GNPNAT1: variants seen among roughly 807,000 people sequenced by gnomAD.
The protein encoded by GNPNAT1 is glucosamine 6-phosphate N-acetyltransferase.
A neutral mutation model predicts 19.8 loss-of-function variants in GNPNAT1; 11 were observed. The ratio of observed to expected loss-of-function variants is 0.56; its 90% CI spans 0.35 to 0.92. The LOEUF (loss-of-function observed/expected upper bound fraction) is 0.92, where lower values mean the gene tolerates loss of function less well. Among genes scored for constraint, GNPNAT1 ranks in the 40% least tolerant of loss-of-function variants. The pLI is 0.01. For missense variants in GNPNAT1, 157 were observed against 211.0 expected, an observed-to-expected ratio of 0.74 and a Z score of 1.59; for synonymous variants, 71 against 72.3, an observed-to-expected ratio of 0.98 and a Z score of 0.09.
intron 1 of GNPNAT1, among the ~76,000 whole-genome samples, chr14:52,789,081 T>TA (rs1883090046): frequency 1.3e-5 from 2 of 152,166 alleles, no homozygotes; most frequent in African/African-American, 4.8e-5. Context: ...TGCTCAAGGT[T>TA]AGAGTGCCAA....
At chr14:52,786,200 A>C (rs1229811591) in intron 1 of GNPNAT1, among the ~76,000 whole-genome samples, 3 of 151,180 alleles carry the variant, frequency 2.0e-5, no homozygotes, top group African/African-American at 7.3e-5. Flanking sequence ...TTCACAGCAG[A>C]TTTTCTAAAA....
chr14:52,778,221 G>T lies in GNPNAT1; in HGVS notation c.*90C>A, dbSNP rs1882785276. The T allele has an allele frequency of 3.2e-6, 3 of 945,138 alleles. No individual in the cohort carries two copies. Among genetic ancestry groups the T allele is most frequent in the Non-Finnish European group, 4.7e-6 (3 of 639,398 alleles). 58.5% of individuals were successfully genotyped at this position (945,138 alleles called of 1,614,324 possible). On this transcript the variant is annotated 3_prime_UTR_variant, in exon 6 of 6. Transcript: ENST00000216410. ...TTTTTTCAGTCCAGTATTTATGGAG[G>T]TCACTCGGCTGCAGCAACAAAATAT... is the stretch of plus-strand genomic sequence containing the variant.
chr14:52,779,196 A>G (rs1338480539), intron 5 of GNPNAT1, among the ~76,000 whole-genome samples: 1 of 152,226 alleles, frequency 6.6e-6, no homozygotes. Context: ...TCATTTTTAA[A>G]GCTACTTTAA....
rs1021999543 is a variant in GNPNAT1, at chr14:52,791,474, C to CT, written c.-62dup. ...CGCTCCTAGCCAGGCGCGTCGGACT[C>CT]TCCCCCACCAGTGTGCACAGCACCG... On this transcript the variant is annotated 5_prime_UTR_variant, in exon 1 of 6. Coordinates refer to ENST00000216410, the MANE Select transcript of GNPNAT1 (RefSeq NM_198066.4). The surrounding 1 kb of genome is among the most constrained non-coding windows in gnomAD (Gnocchi z 4.1). The CT allele has an allele frequency of 2.0e-5, 3 of 152,564 alleles. No individual in the cohort carries two copies. The highest frequency in any genetic ancestry group is 4.4e-5 in the Non-Finnish European group (3 of 68,348). The allele number at this position is 152,564 out of a possible 1,614,324, so 9.5% of individuals were successfully genotyped here. A position where few individuals can be genotyped will look rare whatever the true frequency, so the allele number is the denominator to read the frequency against.
chr14:52,784,185 C>A (rs1208057325), intron 2 of GNPNAT1, among the ~76,000 whole-genome samples: 9 of 152,136 alleles, frequency 5.9e-5, no homozygotes, highest in Non-Finnish European at 1.2e-4. Context: ...ACCTTCATTC[C>A]CCAACCAGCT....
chr14:52,789,745 G>A (rs1410194572), intron 1 of GNPNAT1, among the ~76,000 whole-genome samples: 1 of 152,118 alleles, frequency 6.6e-6, no homozygotes, highest in African/African-American at 2.4e-5. Flanking sequence ...AAATTTCTGC[G>A]AATAAAATTG....
chr14:52,787,756 A>G (rs901355412), intron 1 of GNPNAT1: 2 of 152,154 alleles, frequency 1.3e-5, no homozygotes, highest in African/African-American at 4.8e-5. Flanking sequence ...GAATACTGCA[A>G]GTACTTAATA....
chr14:52,784,149 C>T (rs1426122069), intron 2 of GNPNAT1, among the ~76,000 whole-genome samples: 1 of 152,198 alleles, frequency 6.6e-6, no homozygotes, highest in Non-Finnish European at 1.5e-5. Flanking sequence ...AAAACCCTTT[C>T]AATTTATCCA....
At chr14:52,782,468 T>C (rs1329829580) in intron 3 of GNPNAT1, among the ~76,000 whole-genome samples, 9 of 152,248 alleles carry the variant, frequency 5.9e-5, no homozygotes, top group Admixed American at 2.6e-4. Context: ...TAAAAACATA[T>C]CTGTTTCCAA....
chr14:52,784,066 T>G (rs188919116), intron 2 of GNPNAT1, among the ~76,000 whole-genome samples: 2 of 152,176 alleles, frequency 1.3e-5, no homozygotes, highest in Non-Finnish European at 2.9e-5. Context: ...AAGGACAAAG[T>G]TGACTTTTAA....
chr14:52,778,525 A>G, intron 5 of GNPNAT1, 67 bp from the exon 6 acceptor site: 1 of 1,325,274 alleles, frequency 7.5e-7, no homozygotes, highest in Non-Finnish European at 1.0e-6. Context: ...TCTAGTAACA[A>G]TATGAATTAA....
At chr14:52,780,764 A>G (rs1566687842) in intron 4 of GNPNAT1, 24 bp from the exon 5 acceptor site, 3 of 1,410,934 alleles carry the variant, frequency 2.1e-6, no homozygotes, top group Non-Finnish European at 2.0e-6. Flanking sequence ...CAATGTTTAA[A>G]GGAGTAAGCA....
chr14:52,781,491 G>A (rs138679517), intron 4 of GNPNAT1, among the ~76,000 whole-genome samples: 16 of 152,216 alleles, frequency 1.1e-4, no homozygotes, highest in African/African-American at 3.4e-4. Flanking sequence ...TTATGCTAAC[G>A]TGGTATATTC....
At chr14:52,786,745 G>C (rs1319795875) in intron 1 of GNPNAT1, among the ~76,000 whole-genome samples, 3 of 151,874 alleles carry the variant, frequency 2.0e-5, no homozygotes, top group South Asian at 2.1e-4. Flanking sequence ...ACTGGGGCCA[G>C]GGGGCTTCTG....
At chr14:52,783,226 TTGCAAAAACAAAGTTACTGG>T (rs1461653954) in intron 3 of GNPNAT1, among the ~76,000 whole-genome samples, 177 bp downstream of exon 3, 1 of 152,104 alleles carries the variant, frequency 6.6e-6, no homozygotes, top group Non-Finnish European at 1.5e-5. Context: ...GTCAGATAGT[TTGCAAAAACAAAGTTACTGG>T]TACATTTGGA....
chr14:52,783,368 CAA>C, intron 3 of GNPNAT1, 53 bp downstream of exon 3: 1 of 1,237,118 alleles, frequency 8.1e-7, no homozygotes, highest in Non-Finnish European at 1.2e-6. Context: ...CAGCTCTAAA[CAA>C]AAATGAAATC....
intron 1 of GNPNAT1, among the ~76,000 whole-genome samples, chr14:52,787,176 TAAAG>T (rs1446981578): frequency 6.6e-6 from 1 of 152,046 alleles, no homozygotes; most frequent in African/African-American, 2.4e-5. Flanking sequence ...TATATCCAGT[TAAAG>T]AAACCATATT....
At chr14:52,781,444 C>T (rs555611853) in intron 4 of GNPNAT1, among the ~76,000 whole-genome samples, 1 of 151,954 alleles carries the variant, frequency 6.6e-6, no homozygotes, top group Non-Finnish European at 1.5e-5. Flanking sequence ...ATAATTAGAA[C>T]GGAATAATCT....
At chr14:52,782,751 T>A (rs901817810) in intron 3 of GNPNAT1, among the ~76,000 whole-genome samples, 6 of 152,050 alleles carry the variant, frequency 3.9e-5, no homozygotes, top group African/African-American at 1.4e-4. Context: ...GAGGGTCAAA[T>A]AGAATTCAAT....
Sources: allele counts gnomAD v4.1 joint callset (sites outside exome capture counted in the v4.1 genomes callset), GRCh38; gene constraint gnomAD v4.1.1; non-coding constraint Gnocchi (gnomAD v3.1); transcripts MANE v1.5; gene names NCBI Gene and HGNC (gene_info 2026-07-23, HGNC 2026-07-21).